The following GRM4 variants were observed in gnomAD, a reference collection of about 807,000 sequenced individuals.
GRM4 encodes glutamate metabotropic receptor 4, also known as metabotropic glutamate receptor 4.
GRM4 carries 28 observed loss-of-function variants against 81.7 expected under a neutral mutation model. The observed-to-expected ratio is 0.34, with a 90% CI of 0.25 to 0.47. GRM4 has a LOEUF of 0.47. Among genes scored for constraint, GRM4 ranks in the 20% least tolerant of loss-of-function variants. The probability of loss-of-function intolerance (pLI) is 1.00; values close to 1 mark genes in which losing one functional copy is unlikely to be tolerated. For synonymous variants in GRM4, 488 were observed against 528.8 expected, an observed-to-expected ratio of 0.92 and a Z score of 1.06; for missense variants, 948 against 1,290.0, an observed-to-expected ratio of 0.73 and a Z score of 4.06.
intron 10 of GRM4, among the ~76,000 whole-genome samples, chr6:34,026,767 C>T (rs1024309982): frequency 3.3e-5 from 5 of 152,166 alleles, no homozygotes; most frequent in Admixed American, 6.5e-5. Flanking sequence ...ACAGCACCCG[C>T]GGTGTCACCC....
intron 2 of GRM4, among the ~76,000 whole-genome samples, chr6:34,125,872 G>A (rs569604348): frequency 6.6e-6 from 1 of 152,314 alleles, no homozygotes; most frequent in East Asian, 1.9e-4. Context: ...AACTGCCCCT[G>A]ACAGTCACCC....
At position 34,068,590 on chromosome 6, in the gene GRM4, C is replaced by G. The variant is rs1581645388; in HGVS notation, c.737-6562G>C. On this transcript the variant is annotated intron_variant, in intron 3 of 10. Coordinates refer to ENST00000538487, the MANE Select transcript of GRM4 (RefSeq NM_000841.4). This position sits in a 1 kb window ranked among gnomAD's most constrained non-coding sequence, Gnocchi z 4.2. ...TGCAAGGCCAGCCCTCCAGCAGCCT[C>G]CAGATCACCTGCCTTCAAAGACCCA... 6.6e-6 allele frequency among the ~76,000 whole-genome samples: 1 copy of G among 152,134 alleles called. No individual in the cohort carries two copies. Among genetic ancestry groups the G allele is most frequent in the Non-Finnish European group, 1.5e-5 (1 of 68,020 alleles).
In GRM4 at chr6:34,036,163, A is replaced by G. The variant is rs1764697795; in HGVS notation, c.1947T>C (p.Leu649=). 2 of 1,614,222 alleles carry G rather than the reference A, an allele frequency of 1.2e-6. No homozygotes were observed. Among genetic ancestry groups the G allele is most frequent in the Non-Finnish European group, 1.7e-6 (2 of 1,180,016 alleles). ...AGATTCGGCGCAGCGAGCAGGTGCC[A>G]AGGTCGGGCTCAGCGATCATGAGGA... The part of the protein sequence containing the change: ...TTFLMIAEPD[L]GTCSLRRIFL... The change falls in exon 9 of 11, where the codon CTT becomes CTC. Residue 649 remains leucine (L), a synonymous_variant. Transcript: ENST00000538487. The surrounding 1 kb of genome is among the most constrained non-coding windows in gnomAD (Gnocchi z 9.0).
At chr6:34,057,529 C>T (rs1765965634) in intron 5 of GRM4, among the ~76,000 whole-genome samples, 1 of 152,198 alleles carries the variant, frequency 6.6e-6, no homozygotes, top group African/African-American at 2.4e-5. Flanking sequence ...GGGGGGCCAT[C>T]CTGTGCACCG....
intron 1 of GRM4, among the ~76,000 whole-genome samples, chr6:34,142,035 A>G (rs1296029543): frequency 1.3e-5 from 2 of 152,214 alleles, no homozygotes; most frequent in Non-Finnish European, 2.9e-5. Context: ...TTAATTTTTT[A>G]TAGTCCCCTG....
At chr6:34,081,355 G>A (rs554368458) in intron 3 of GRM4, among the ~76,000 whole-genome samples, 1 of 152,334 alleles carries the variant, frequency 6.6e-6, no homozygotes, top group Admixed American at 6.5e-5. Flanking sequence ...CAAAATGTGT[G>A]TATTACACAC....
At chr6:34,062,301 G>A in intron 3 of GRM4, 1 of 378,762 alleles carries the variant, frequency 2.6e-6, no homozygotes, top group Non-Finnish European at 4.8e-6. Context: ...AAGCAGCACG[G>A]CATCATGCTT....
chr6:34,047,946 A>T lies in GRM4; in HGVS notation c.1169-7198T>A. ...AAACCATTCTTGCAAACCCTCAAGA[A>T]TATGACCCCAGCAAAAAAACACTAA... On this transcript the variant is annotated intron_variant, in intron 6 of 10. Coordinates refer to ENST00000538487, the MANE Select transcript of GRM4 (RefSeq NM_000841.4). The surrounding 1 kb of genome is among the most constrained non-coding windows in gnomAD (Gnocchi z 4.5). 6.6e-6 allele frequency among the ~76,000 whole-genome samples: 1 copy of T among 152,180 alleles called. No homozygotes were observed. Among genetic ancestry groups the T allele is most frequent in the African/African-American group, 2.4e-5 (1 of 41,446 alleles).
exon 1 of GRM4, chr6:34,155,187 C>T (rs1351221211): frequency 6.5e-7 from 1 of 1,535,716 alleles, no homozygotes; most frequent in Non-Finnish European, 8.7e-7. Flanking sequence ...GGCTCACCTG[C>T]TCTCCTGGCA....
At position 34,028,256 on chromosome 6, in the gene GRM4, C is replaced by T; in HGVS notation, c.2553G>A (p.Gln851=). Residue 851 remains glutamine, a synonymous_variant, in exon 10 of 11, where the codon CAG becomes CAA. Coordinates refer to ENST00000538487, the MANE Select transcript of GRM4 (RefSeq NM_000841.4). The part of the protein sequence containing the change: ...KVYIILFHPE[Q]NVPKRKRSLK... Reference sequence around the variant, plus strand: ...GGCTGCGCTTGCGCTTGGGCACGTTCTGCTCCGGGTGGAAGAGGATGATGT... The same window carrying T: ...GGCTGCGCTTGCGCTTGGGCACGTTTTGCTCCGGGTGGAAGAGGATGATGT... The T allele has an allele frequency of 1.2e-6, 2 of 1,614,118 alleles. No individual in the cohort carries two copies. The highest frequency in any genetic ancestry group is 1.7e-6 in the Non-Finnish European group (2 of 1,180,042).
chr6:34,092,219 A>AC lies in GRM4; in HGVS notation c.520-121dup. The AC allele has an allele frequency of 1.5e-6, 1 of 647,724 alleles. No individual in the cohort carries two copies. The highest frequency in any genetic ancestry group is 2.6e-6 in the Non-Finnish European group (1 of 377,432). The allele number at this position is 647,724 out of a possible 1,614,324, so 40.1% of individuals were successfully genotyped here. On this transcript the variant is annotated intron_variant, in intron 2 of 10. Transcript: ENST00000538487. The surrounding 1 kb of genome is among the most constrained non-coding windows in gnomAD (Gnocchi z 6.8). The stretch of plus-strand genomic sequence containing the variant: ...CACAGCCTTGGGACCACCACAGCCC[A>AC]CCCCTCCCCATGGGCGATGCCTCCT...
intron 2 of GRM4, chr6:34,103,914 A>G: frequency 7.7e-7 from 1 of 1,291,840 alleles, no homozygotes; most frequent in Non-Finnish European, 1.0e-6. Context: ...GAATTGGCCC[A>G]GATGTTCAGA....
chr6:34,019,283 T>C lies in GRM4; in HGVS notation c.*3538A>G, dbSNP rs1763788704. 6.6e-6 allele frequency: 1 copy of C among 152,222 alleles called. No homozygotes were observed. The highest frequency in any genetic ancestry group is 6.5e-5 in the Admixed American group (1 of 15,276). The allele number at this position is 152,222 out of a possible 1,614,324, so 9.4% of individuals were successfully genotyped here. On this transcript the variant is annotated 3_prime_UTR_variant, in exon 11 of 11. Coordinates refer to ENST00000538487, the MANE Select transcript of GRM4 (RefSeq NM_000841.4). ...TGGGTCTCCCCAGGGTCCTAGGAGT[T>C]CCACAAAGGTGCCCTGTGCATCCAG...
intron 6 of GRM4, among the ~76,000 whole-genome samples, chr6:34,045,271 A>G (rs940162922): frequency 1.3e-5 from 2 of 152,086 alleles, no homozygotes; most frequent in South Asian, 2.1e-4. Context: ...GGCTCACACA[A>G]CCCGGCTCCT....
At chr6:34,106,025 T>TG (rs2127496723) in intron 2 of GRM4, 1 of 152,404 alleles carries the variant, frequency 6.6e-6, no homozygotes, top group African/African-American at 2.4e-5. Flanking sequence ...CTCCCACACT[T>TG]GCCACTCCCA....
intron 6 of GRM4, chr6:34,055,817 C>G (rs1012804404): frequency 6.6e-6 from 1 of 152,260 alleles, no homozygotes; most frequent in South Asian, 2.1e-4. Context: ...CTCCTCTAAG[C>G]CTCGGTTCTC....
rs57603011 is a variant in GRM4, at chr6:34,154,590, TAC to T, written c.312+487_312+488del. 7.5e-3 allele frequency among the ~76,000 whole-genome samples: 1,087 copies of T among 145,074 alleles called. 9 individuals are homozygous for T. The highest frequency in any genetic ancestry group is 0.035 in the East Asian group (170 of 4,854). ...GGTTAGATGGACGGATGGTCCTGAC[TAC>T]ACACACACACACACACACACACACA... is the stretch of plus-strand genomic sequence containing the variant. On this transcript the variant is annotated intron_variant, in intron 1 of 8. Coordinates refer to the GRM4 transcript ENST00000374177.
chr6:34,057,488 C>T (rs1355433998), intron 5 of GRM4, among the ~76,000 whole-genome samples: 1 of 152,210 alleles, frequency 6.6e-6, no homozygotes, highest in Non-Finnish European at 1.5e-5. Context: ...AGCCTCGGCA[C>T]TGTGGACGCT....
intron 10 of GRM4, among the ~76,000 whole-genome samples, chr6:34,025,519 C>G (rs1370117520): frequency 6.6e-6 from 1 of 152,156 alleles, no homozygotes; most frequent in Admixed American, 6.5e-5. Flanking sequence ...AGGGCCTCTG[C>G]TCTCCTCTAA....
Sources: allele counts gnomAD v4.1 joint callset (sites outside exome capture counted in the v4.1 genomes callset), GRCh38; gene constraint gnomAD v4.1.1; non-coding constraint Gnocchi (gnomAD v3.1); transcripts MANE v1.5; gene names NCBI Gene and HGNC (gene_info 2026-07-23, HGNC 2026-07-21).